Variants in TAFA4 observed in about 807,000 individuals in gnomAD.
TAFA4 encodes TAFA chemokine like family member 4.
A neutral mutation model predicts 21.1 loss-of-function variants in TAFA4; 20 were observed. The ratio of observed to expected loss-of-function variants is 0.95; its 90% CI spans 0.67 to 1.38. The LOEUF (loss-of-function observed/expected upper bound fraction) is 1.38. Ranked by LOEUF, TAFA4 falls within the 40% of genes most tolerant of loss-of-function variation. The pLI is 0.00. For synonymous variants in TAFA4, 71 were observed against 67.4 expected, an observed-to-expected ratio of 1.05 and a Z score of -0.26; for missense variants, 211 against 180.9, an observed-to-expected ratio of 1.17 and a Z score of -0.95.
chr3:68,754,142 C>A (rs1300264864), intron 3 of TAFA4, among the ~76,000 whole-genome samples: 5 of 152,178 alleles, frequency 3.3e-5, no homozygotes, highest in Admixed American at 2.0e-4. Flanking sequence ...AACTACTTCA[C>A]TGTGTATTTT....
chr3:68,825,136 G>C (rs928649521), intron 3 of TAFA4, among the ~76,000 whole-genome samples: 1 of 152,174 alleles, frequency 6.6e-6, no homozygotes, highest in Middle Eastern at 3.4e-3. Flanking sequence ...TCTCCGTGCT[G>C]CCTCACAGGC....
intron 1 of TAFA4, among the ~76,000 whole-genome samples, chr3:68,898,176 G>C (rs2089811277): frequency 6.6e-6 from 1 of 152,182 alleles, no homozygotes; most frequent in African/African-American, 2.4e-5. Context: ...GGTCAGTCTT[G>C]ACCAGCAGTG....
chr3:68,834,556 A>C (rs1252435937), intron 3 of TAFA4, among the ~76,000 whole-genome samples: 1 of 151,996 alleles, frequency 6.6e-6, no homozygotes, highest in Non-Finnish European at 1.5e-5. Flanking sequence ...CTTTTTTGAC[A>C]TCTCCATTTG....
chr3:68,749,432 A>G (rs753939812), intron 4 of TAFA4, among the ~76,000 whole-genome samples: 2 of 152,196 alleles, frequency 1.3e-5, no homozygotes, highest in Non-Finnish European at 2.9e-5. Context: ...TTATTGACAG[A>G]TAAGAGGAAC....
At chr3:68,822,103 G>A (rs1704126201) in intron 3 of TAFA4, among the ~76,000 whole-genome samples, 1 of 152,138 alleles carries the variant, frequency 6.6e-6, no homozygotes, top group Non-Finnish European at 1.5e-5. Flanking sequence ...GGCTGCCACA[G>A]CTGTCTTTCT....
intron 1 of TAFA4, among the ~76,000 whole-genome samples, chr3:68,903,097 C>G (rs2089860326): frequency 6.6e-6 from 1 of 152,180 alleles, no homozygotes; most frequent in African/African-American, 2.4e-5. Flanking sequence ...GTAACAATGG[C>G]AGGCACAGTG....
At chr3:68,783,987 G>C (rs1005446547) in intron 3 of TAFA4, among the ~76,000 whole-genome samples, 4 of 152,130 alleles carry the variant, frequency 2.6e-5, no homozygotes, top group African/African-American at 7.2e-5. Flanking sequence ...GAAAAGATGT[G>C]CAACAAGACA....
At chr3:68,784,017 A>G (rs1394236169) in intron 3 of TAFA4, among the ~76,000 whole-genome samples, 1 of 152,252 alleles carries the variant, frequency 6.6e-6, no homozygotes, top group Non-Finnish European at 1.5e-5. Flanking sequence ...ATTTTCTTCA[A>G]TACATAAAGA....
intron 3 of TAFA4, among the ~76,000 whole-genome samples, chr3:68,784,590 G>T (rs1035850855): frequency 6.6e-6 from 1 of 152,196 alleles, no homozygotes; most frequent in African/African-American, 2.4e-5. Flanking sequence ...GACCTTTGCG[G>T]TGAGTGTTAC....
chr3:68,776,153 G>A (rs903371501), intron 3 of TAFA4, among the ~76,000 whole-genome samples: 9 of 151,980 alleles, frequency 5.9e-5, no homozygotes, highest in South Asian at 4.2e-4. Flanking sequence ...AAAATAAGCC[G>A]GTAGACTCAA....
At chr3:68,876,761 T>C (rs1036489715) in intron 3 of TAFA4, among the ~76,000 whole-genome samples, 1 of 151,810 alleles carries the variant, frequency 6.6e-6, no homozygotes, top group African/African-American at 2.4e-5. Context: ...AAAACCTAAA[T>C]TTCCATAAAT....
chr3:68,911,735 G>T (rs757888315), intron 1 of TAFA4, among the ~76,000 whole-genome samples: 1 of 152,190 alleles, frequency 6.6e-6, no homozygotes, highest in Non-Finnish European at 1.5e-5. Context: ...ATTTAAGTCG[G>T]TATGTCAGAA....
At chr3:68,812,386 G>A (rs893641222) in intron 3 of TAFA4, among the ~76,000 whole-genome samples, 6 of 152,134 alleles carry the variant, frequency 3.9e-5, no homozygotes, top group Non-Finnish European at 8.8e-5. Context: ...TGGCAAATTG[G>A]ATCAAGAGTC....
intron 4 of TAFA4, among the ~76,000 whole-genome samples, chr3:68,739,526 T>A (rs1386437935): frequency 6.6e-6 from 1 of 152,062 alleles, no homozygotes; most frequent in East Asian, 1.9e-4. Flanking sequence ...AATCCAGCAA[T>A]CCCACCCCTG....
intron 1 of TAFA4, among the ~76,000 whole-genome samples, chr3:68,917,837 G>C (rs1406429825): frequency 6.6e-6 from 1 of 151,192 alleles, no homozygotes; most frequent in African/African-American, 2.4e-5. Flanking sequence ...CCTAAGCTCT[G>C]AATTCAACAC....
intron 3 of TAFA4, among the ~76,000 whole-genome samples, chr3:68,756,334 G>A (rs1702659255): frequency 6.6e-6 from 1 of 152,146 alleles, no homozygotes; most frequent in African/African-American, 2.4e-5. Flanking sequence ...CCTCAAGTGT[G>A]TTCATGATTT....
chr3:68,774,504 AAT>A (rs1304164262), intron 3 of TAFA4, among the ~76,000 whole-genome samples: 1 of 152,236 alleles, frequency 6.6e-6, no homozygotes, highest in East Asian at 1.9e-4. Flanking sequence ...AATTAAATGG[AAT>A]ATCAGTAAAT....
chr3:68,815,042 T>C (rs1703936416), intron 3 of TAFA4, among the ~76,000 whole-genome samples: 1 of 152,126 alleles, frequency 6.6e-6, no homozygotes, highest in Admixed American at 6.5e-5. Flanking sequence ...TTGACAAACC[T>C]GACAAAAACA....
At chr3:68,825,544 C>G (rs1381160975) in intron 3 of TAFA4, among the ~76,000 whole-genome samples, 1 of 147,366 alleles carries the variant, frequency 6.8e-6, no homozygotes, top group Non-Finnish European at 1.5e-5. Flanking sequence ...AGAGTGTGTG[C>G]AGTCACTGAA....
Sources: allele counts gnomAD v4.1 joint callset (sites outside exome capture counted in the v4.1 genomes callset), GRCh38; gene constraint gnomAD v4.1.1; transcripts MANE v1.5; gene names NCBI Gene and HGNC (gene_info 2026-07-23, HGNC 2026-07-21).